The following MACROD2 variants were observed in gnomAD, a reference collection of about 807,000 sequenced individuals.
The protein encoded by MACROD2 is mono-ADP ribosylhydrolase 2, also known as ADP-ribose glycohydrolase MACROD2.
A neutral mutation model predicts 70.4 loss-of-function variants in MACROD2; 36 were observed. That is an observed-to-expected ratio of 0.51 (90% CI 0.39 to 0.68). The LOEUF (loss-of-function observed/expected upper bound fraction) is 0.68. MACROD2 is among the 30% of genes least tolerant of loss of function. MACROD2 has a pLI of 0.00. For synonymous variants in MACROD2, 172 were observed against 178.8 expected (o/e 0.96, Z 0.30); for missense variants, 496 against 538.4 (o/e 0.92, Z 0.78).
intron 13 of MACROD2, among the ~76,000 whole-genome samples, chr20:15,978,582 G>GTCTCTCC (rs2066345527): frequency 6.8e-6 from 1 of 146,324 alleles, no homozygotes. Flanking sequence ...CTGACCTTGG[G>GTCTCTCC]TCTCTCTCTC....
At chr20:15,963,622 T>C (rs1446384062) in intron 12 of MACROD2, among the ~76,000 whole-genome samples, 1 of 151,282 alleles carries the variant, frequency 6.6e-6, no homozygotes, top group Non-Finnish European at 1.5e-5. Context: ...AGCTAATTCC[T>C]CAAAACTGGT....
chr20:15,788,787 T>C (rs2051973264), intron 8 of MACROD2, among the ~76,000 whole-genome samples: 1 of 152,208 alleles, frequency 6.6e-6, no homozygotes. Flanking sequence ...TAAGTTAAAA[T>C]GACAGACCTA....
At chr20:15,462,463 C>A (rs939434362) in intron 7 of MACROD2, among the ~76,000 whole-genome samples, 1 of 152,136 alleles carries the variant, frequency 6.6e-6, no homozygotes. Flanking sequence ...GAACCCCTTA[C>A]ATTTGTATAG....
chr20:15,574,515 TGAG>T (rs778556531), intron 8 of MACROD2, among the ~76,000 whole-genome samples: 2 of 152,172 alleles, frequency 1.3e-5, no homozygotes, highest in Non-Finnish European at 2.9e-5. Flanking sequence ...TTGTTCAGTC[TGAG>T]GAGAAGAAAG....
At chr20:15,980,072 G>A (rs3859630) in intron 13 of MACROD2, among the ~76,000 whole-genome samples, 22,115 of 152,220 alleles carry the variant, frequency 0.15, 1,927 homozygotes, top group East Asian at 0.21. Flanking sequence ...GGGGTACGTG[G>A]CAGGGGCTGC....
At chr20:15,156,656 T>C (rs1013009527) in intron 5 of MACROD2, among the ~76,000 whole-genome samples, 1 of 152,144 alleles carries the variant, frequency 6.6e-6, no homozygotes, top group Non-Finnish European at 1.5e-5. Flanking sequence ...CCTGGGTGAT[T>C]CATTTCAGCT....
intron 5 of MACROD2, among the ~76,000 whole-genome samples, chr20:15,217,351 T>A (rs867336032): frequency 6.6e-6 from 1 of 152,126 alleles, no homozygotes; most frequent in African/African-American, 2.4e-5. Context: ...ATATAATACA[T>A]AATTTATTCC....
intron 5 of MACROD2, among the ~76,000 whole-genome samples, chr20:15,164,589 T>G (rs181400944): frequency 2.5e-4 from 38 of 152,210 alleles, no homozygotes; most frequent in African/African-American, 8.2e-4. Context: ...ATTAATGAGG[T>G]GTAAGGCTAA....
intron 3 of MACROD2, among the ~76,000 whole-genome samples, chr20:14,153,657 T>C (rs2055054895): frequency 6.6e-6 from 1 of 152,200 alleles, no homozygotes; most frequent in African/African-American, 2.4e-5. Flanking sequence ...TGGAAAATGA[T>C]CAAGGAGTGA....
chr20:15,525,856 A>G (rs1251479004), intron 8 of MACROD2, among the ~76,000 whole-genome samples: 1 of 152,170 alleles, frequency 6.6e-6, no homozygotes, highest in African/African-American at 2.4e-5. Flanking sequence ...GATACTCCTT[A>G]TAGGGTAGTC....
intron 8 of MACROD2, among the ~76,000 whole-genome samples, chr20:15,825,827 G>C (rs2063991712): frequency 6.6e-6 from 1 of 152,124 alleles, no homozygotes; most frequent in Admixed American, 6.5e-5. Context: ...GGCTAGAGAA[G>C]ATATCAGTGA....
chr20:14,887,332 T>C (rs2073690179), intron 5 of MACROD2, among the ~76,000 whole-genome samples: 1 of 151,788 alleles, frequency 6.6e-6, no homozygotes, highest in Non-Finnish European at 1.5e-5. Flanking sequence ...AAGAAGCAAA[T>C]AGACTTGAAT....
intron 3 of MACROD2, among the ~76,000 whole-genome samples, chr20:14,216,519 TTG>T (rs1407655357): frequency 1.3e-5 from 2 of 152,150 alleles, no homozygotes; most frequent in African/African-American, 4.8e-5. Context: ...AATTTTAGAA[TTG>T]TTTTTTTTAA....
chr20:15,468,548 G>A (rs1031340780), intron 7 of MACROD2, among the ~76,000 whole-genome samples: 11 of 152,220 alleles, frequency 7.2e-5, no homozygotes, highest in African/African-American at 2.7e-4. Context: ...AAAGAGAGAA[G>A]CTCAGTGGCT....
intron 5 of MACROD2, among the ~76,000 whole-genome samples, chr20:14,867,474 G>C (rs2073440490): frequency 6.6e-6 from 1 of 152,042 alleles, no homozygotes; most frequent in African/African-American, 2.4e-5. Context: ...AAAGAGTCTG[G>C]ATTCTAATAA....
At chr20:15,814,399 G>C (rs972904525) in intron 8 of MACROD2, among the ~76,000 whole-genome samples, 2 of 152,074 alleles carry the variant, frequency 1.3e-5, no homozygotes, top group African/African-American at 4.8e-5. Flanking sequence ...CCCTCCTCTT[G>C]GCTGCCATAA....
chr20:15,361,002 T>C (rs553464781), intron 6 of MACROD2, among the ~76,000 whole-genome samples: 1 of 152,208 alleles, frequency 6.6e-6, no homozygotes, highest in South Asian at 2.1e-4. Flanking sequence ...TCTCTCAGTC[T>C]GTGTGTTTTC....
intron 5 of MACROD2, among the ~76,000 whole-genome samples, chr20:15,143,478 T>C (rs1251515953): frequency 1.3e-5 from 2 of 152,192 alleles, no homozygotes; most frequent in Non-Finnish European, 2.9e-5. Flanking sequence ...TTCACTCTGA[T>C]GGTAGTTTCT....
At chr20:15,078,745 C>T (rs2075679643) in intron 5 of MACROD2, among the ~76,000 whole-genome samples, 1 of 148,988 alleles carries the variant, frequency 6.7e-6, no homozygotes, top group Non-Finnish European at 1.5e-5. Flanking sequence ...CTCCTGGGTT[C>T]AAGCGATTCT....
Sources: gnomAD v4.1 joint callset for allele counts (sites outside exome capture counted in the v4.1 genomes callset) on GRCh38, gnomAD v4.1.1 for gene constraint, MANE v1.5 for transcripts, NCBI Gene and HGNC (gene_info 2026-07-23, HGNC 2026-07-21) for gene names.